LPP: variants seen among roughly 807,000 people sequenced by gnomAD.
The protein encoded by LPP is LIM domain containing preferred translocation partner in lipoma, also known as lipoma-preferred partner.
In LPP, 38 loss-of-function variants were observed where a neutral mutation model predicts 60.4. The ratio of observed to expected loss-of-function variants is 0.63; its 90% confidence interval spans 0.49 to 0.83. LPP has a LOEUF of 0.83. Among genes scored for constraint, LPP ranks in the 40% least tolerant of loss-of-function variants. The pLI, the probability that LPP is intolerant of heterozygous loss-of-function variation, is 0.00. For synonymous variants in LPP, 328 were observed against 290.8 expected (o/e 1.13, Z -1.30); for missense variants, 902 against 783.6 (o/e 1.15, Z -1.80).
At chr3:188,277,370 G>A (rs1740346458) in intron 2 of LPP, among the ~76,000 whole-genome samples, 2 of 152,140 alleles carry the variant, frequency 1.3e-5, no homozygotes, top group African/African-American at 4.8e-5. Context: ...CCAGAGTATT[G>A]TCAACTCAGA....
intron 3 of LPP, among the ~76,000 whole-genome samples, chr3:188,364,381 GT>G (rs1045738062): frequency 1.3e-5 from 2 of 152,074 alleles, no homozygotes; most frequent in South Asian, 2.1e-4. Context: ...GCCTTCGTTC[GT>G]TTTTTAGACA....
chr3:188,415,780 G>A (rs201195414), intron 4 of LPP, among the ~76,000 whole-genome samples: 1 of 138,822 alleles, frequency 7.2e-6, no homozygotes, highest in East Asian at 2.1e-4. Flanking sequence ...TGGGTCGGGG[G>A]GGGGCAAGTA....
intron 6 of LPP, among the ~76,000 whole-genome samples, chr3:188,543,470 T>C (rs1205840161): frequency 6.6e-6 from 1 of 152,224 alleles, no homozygotes; most frequent in Non-Finnish European, 1.5e-5. Context: ...CAGTCTGCAC[T>C]TGTATCTGAA....
intron 2 of LPP, among the ~76,000 whole-genome samples, chr3:188,327,278 G>A (rs778733035): frequency 7.2e-5 from 11 of 152,072 alleles, no homozygotes; most frequent in South Asian, 6.2e-4. Flanking sequence ...AATAATATAC[G>A]GTTAGACTAC....
At chr3:188,514,867 G>C (rs1560505183) in intron 5 of LPP, among the ~76,000 whole-genome samples, 1 of 152,108 alleles carries the variant, frequency 6.6e-6, no homozygotes, top group Non-Finnish European at 1.5e-5. Flanking sequence ...TGGTTCTGTG[G>C]GCCTCAGTGT....
chr3:188,306,378 C>T (rs1287551013), intron 2 of LPP, among the ~76,000 whole-genome samples: 6 of 152,048 alleles, frequency 3.9e-5, no homozygotes, highest in East Asian at 1.9e-4. Context: ...TGTGAGCCAC[C>T]GTGCCTGGCC....
Position 188,610,077 on chromosome 3 carries a change from A to G in LPP, c.1113+233A>G, listed in dbSNP as rs1032962525. ...ATTGCTTGCTCAATCTCAGAGAATCATCTTCCAAAGCCCACAGACACCATA... is the reference window on the plus strand; with the variant it reads ...ATTGCTTGCTCAATCTCAGAGAATCGTCTTCCAAAGCCCACAGACACCATA... On this transcript the variant is annotated intron_variant, in intron 7 of 11. Transcript: ENST00000617246. The surrounding 1 kb of genome is among the most constrained non-coding windows in gnomAD (Gnocchi z 4.4). Among the ~76,000 whole-genome samples the G allele has an allele frequency of 8.5e-5, 13 of 152,184 alleles. No individual in the cohort carries two copies. The highest frequency in any genetic ancestry group is 2.4e-4 in the African/African-American group (10 of 41,442).
At chr3:188,465,369 A>G (rs148750343) in intron 4 of LPP, among the ~76,000 whole-genome samples, 2 of 152,168 alleles carry the variant, frequency 1.3e-5, no homozygotes, top group Non-Finnish European at 2.9e-5. Context: ...ATGTCCAAGA[A>G]AGCTCACATG....
chr3:188,404,573 G>A (rs1560358578), intron 3 of LPP, among the ~76,000 whole-genome samples: 1 of 152,118 alleles, frequency 6.6e-6, no homozygotes, highest in Non-Finnish European at 1.5e-5. Context: ...AACTATCTGA[G>A]GCTCTAGAGG....
intron 2 of LPP, among the ~76,000 whole-genome samples, chr3:188,243,032 A>G (rs1329880240): frequency 6.6e-6 from 1 of 152,222 alleles, no homozygotes; most frequent in African/African-American, 2.4e-5. Context: ...AATGTGAGTA[A>G]CTTTAAAATG....
intron 2 of LPP, among the ~76,000 whole-genome samples, chr3:188,300,127 T>C (rs1216964760): frequency 6.6e-6 from 1 of 152,210 alleles, no homozygotes; most frequent in Non-Finnish European, 1.5e-5. Flanking sequence ...GAGTCCATCA[T>C]CCAGGGACAT....
At chr3:188,463,997 G>C (rs949073830) in intron 4 of LPP, among the ~76,000 whole-genome samples, 8 of 152,140 alleles carry the variant, frequency 5.3e-5, no homozygotes, top group Admixed American at 2.6e-4. Flanking sequence ...TCTTTCATTT[G>C]TAAGTCGACT....
chr3:188,712,631 C>G (rs1712030008), intron 8 of LPP: 1 of 152,204 alleles, frequency 6.6e-6, no homozygotes, highest in Admixed American at 6.5e-5. Context: ...AATAACTTCT[C>G]TTTTTTGCAG....
chr3:188,650,776 A>C (rs2148963480), intron 7 of LPP, among the ~76,000 whole-genome samples: 1 of 152,358 alleles, frequency 6.6e-6, no homozygotes, highest in Admixed American at 6.5e-5. Flanking sequence ...AAAAAAGTCC[A>C]GCAAACTATA....
chr3:188,187,659 G>A (rs1726998844), intron 1 of LPP, among the ~76,000 whole-genome samples: 1 of 151,700 alleles, frequency 6.6e-6, no homozygotes, highest in Admixed American at 6.6e-5. Context: ...TCCATATCTG[G>A]GCTATAATTT....
intron 6 of LPP, among the ~76,000 whole-genome samples, chr3:188,547,170 T>C (rs1826874724): frequency 6.6e-6 from 1 of 152,048 alleles, no homozygotes. Flanking sequence ...GCTTAGAAAA[T>C]GTAGGGCAAG....
intron 4 of LPP, among the ~76,000 whole-genome samples, chr3:188,458,238 G>T (rs1473697214): frequency 6.6e-6 from 1 of 152,102 alleles, no homozygotes; most frequent in East Asian, 1.9e-4. Context: ...TGTGTATATG[G>T]ATAAAAGATT....
rs191720925 is a variant in LPP at position 188,419,515 on chromosome 3, G to A, written c.193+13202G>A. On this transcript the variant is annotated intron_variant, in intron 4 of 11. Coordinates refer to ENST00000617246, the MANE Select transcript of LPP (RefSeq NM_001375462.1). ...CTGGCATCAGATAGATCTGGGTTTC[G>A]AGTTTTGATTTTACCTCTTAATTCT... Among the ~76,000 whole-genome samples the A allele has an allele frequency of 2.0e-4, 30 of 152,278 alleles. No homozygotes were observed. In the East Asian group the frequency reaches 4.8e-3, roughly 25 times the overall value.
chr3:188,587,717 A>T (rs1168018061), intron 6 of LPP, among the ~76,000 whole-genome samples: 1 of 152,208 alleles, frequency 6.6e-6, no homozygotes, highest in Non-Finnish European at 1.5e-5. Context: ...TATCTGATGC[A>T]ATGTACTCAG....
Sources: gnomAD v4.1 joint callset for allele counts (sites outside exome capture counted in the v4.1 genomes callset) on GRCh38, gnomAD v4.1.1 for gene constraint, Gnocchi (gnomAD v3.1) non-coding constraint, MANE v1.5 for transcripts, NCBI Gene and HGNC (gene_info 2026-07-23, HGNC 2026-07-21) for gene names.